SAMD4A: variants seen among roughly 807,000 people sequenced by gnomAD.
SAMD4A encodes sterile alpha motif domain containing 4A.
In SAMD4A, 33 loss-of-function variants were observed where a neutral mutation model predicts 81.3. That is an observed-to-expected ratio of 0.41 (90% CI 0.31 to 0.54). The LOEUF is 0.54. Ranked by LOEUF, SAMD4A falls within the 20% of genes least tolerant of loss-of-function variation. SAMD4A has a pLI of 0.37. For missense variants in SAMD4A, 854 were observed against 951.1 expected (o/e 0.90, Z 1.34); for synonymous variants, 389 against 382.1 (o/e 1.02, Z -0.21).
At chr14:54,719,156 G>T (rs1023426299) in intron 3 of SAMD4A, among the ~76,000 whole-genome samples, 4 of 152,048 alleles carry the variant, frequency 2.6e-5, no homozygotes, top group African/African-American at 9.7e-5. Context: ...TGGGGCTTTG[G>T]CTGGGCTATC....
intron 12 of SAMD4A, among the ~76,000 whole-genome samples, chr14:54,785,585 C>T (rs1467177370): frequency 6.6e-6 from 1 of 152,198 alleles, no homozygotes; most frequent in Non-Finnish European, 1.5e-5. Flanking sequence ...TCTAGACACA[C>T]TTACCCACCC....
chr14:54,752,257 C>G (rs1365680946), intron 6 of SAMD4A, among the ~76,000 whole-genome samples: 1 of 152,220 alleles, frequency 6.6e-6, no homozygotes, highest in Non-Finnish European at 1.5e-5. Flanking sequence ...GTAACAATGT[C>G]ATTTTTAGGA....
chr14:54,776,201 A>C (rs2038842856), intron 10 of SAMD4A, among the ~76,000 whole-genome samples: 1 of 152,114 alleles, frequency 6.6e-6, no homozygotes, highest in African/African-American at 2.4e-5. Context: ...GGCTTACAGC[A>C]AGGCCACCAC....
At chr14:54,762,738 G>A (rs2038433909) in intron 7 of SAMD4A, among the ~76,000 whole-genome samples, 2 of 152,142 alleles carry the variant, frequency 1.3e-5, no homozygotes, top group Admixed American at 6.5e-5. Context: ...GGTGGAAAGT[G>A]GAAAACCACC....
chr14:54,664,410 A>G (rs577053735), intron 2 of SAMD4A, among the ~76,000 whole-genome samples: 3 of 152,330 alleles, frequency 2.0e-5, no homozygotes, highest in African/African-American at 7.2e-5. Flanking sequence ...TCTAATGAGC[A>G]TATAAAGATG....
intron 3 of SAMD4A, among the ~76,000 whole-genome samples, chr14:54,724,007 T>TGGAAGGAA (rs753453738): frequency 0.075 from 9,303 of 124,108 alleles, 571 homozygotes; most frequent in African/African-American, 0.16. Context: ...GATGGATGGA[T>TGGAAGGAA]GGAAGGAAGG....
intron 2 of SAMD4A, among the ~76,000 whole-genome samples, chr14:54,697,822 G>A (rs2036613550): frequency 1.3e-5 from 2 of 152,152 alleles, no homozygotes; most frequent in Non-Finnish European, 2.9e-5. Context: ...ATCTGGGCTA[G>A]GAGATCTGCT....
intron 2 of SAMD4A, among the ~76,000 whole-genome samples, chr14:54,595,657 G>T (rs2033892887): frequency 6.6e-6 from 1 of 152,070 alleles, no homozygotes; most frequent in South Asian, 2.1e-4. Context: ...ATTAAGCAGG[G>T]TACTAAAAGT....
intron 11 of SAMD4A, chr14:54,784,176 C>A: frequency 1.6e-6 from 1 of 611,150 alleles, no homozygotes; most frequent in Non-Finnish European, 3.0e-6. Flanking sequence ...AAGGAGAGAG[C>A]TGTATGAGGG....
Position 54,764,481 on chromosome 14 carries a change from C to T in SAMD4A, c.1537C>T (p.Pro513Ser), listed in dbSNP as rs757002717. 1 of 1,612,044 alleles carries T rather than the reference C, an allele frequency of 6.2e-7. No individual in the cohort carries two copies. The highest frequency in any genetic ancestry group is 2.2e-5 in the East Asian group (1 of 44,874). ...KVCTQLLVSR[P>S]DEENISSYLQ... Reference sequence around the variant, plus strand: ...GTGCACACAGCTCTTGGTCTCCAGACCTGATGAGGAAAATATAAGTTCCTA... The same window carrying T: ...GTGCACACAGCTCTTGGTCTCCAGATCTGATGAGGAAAATATAAGTTCCTA... The change falls in exon 8 of 13, where the codon CCT (proline) becomes TCT (serine). Residue 513 changes from proline (P) to serine (S), a missense_variant. Transcript: ENST00000554335.
In SAMD4A at chr14:54,597,840, A is replaced by C. The variant is rs1007073555; in HGVS notation, c.196+29728A>C. 7.2e-5 allele frequency among the ~76,000 whole-genome samples: 11 copies of C among 151,924 alleles called. 1 individual carries two copies. Among genetic ancestry groups the C allele is most frequent in the Non-Finnish European group, 1.3e-4 (9 of 67,978 alleles). On this transcript the variant is annotated intron_variant, in intron 2 of 12. Coordinates refer to ENST00000554335, the MANE Select transcript of SAMD4A (RefSeq NM_015589.6). Reference sequence around the variant, plus strand: ...TGGGCTCAAGCAAACTGCCCGCCTCAGTCTTCCAAAATGCTGGGATTACAG... The same window carrying C: ...TGGGCTCAAGCAAACTGCCCGCCTCCGTCTTCCAAAATGCTGGGATTACAG...
chr14:54,611,160 C>A (rs1462271536), intron 2 of SAMD4A, among the ~76,000 whole-genome samples: 3 of 151,874 alleles, frequency 2.0e-5, no homozygotes, highest in Admixed American at 6.6e-5. Flanking sequence ...GAAAAAAAAA[C>A]CTAAAAAATT....
At chr14:54,750,787 A>C (rs932253037) in intron 5 of SAMD4A, among the ~76,000 whole-genome samples, 1 of 152,222 alleles carries the variant, frequency 6.6e-6, no homozygotes, top group African/African-American at 2.4e-5. Context: ...CTGAAATTAT[A>C]AAGCCTGGAG....
At chr14:54,725,888 C>A (rs151216389) in intron 3 of SAMD4A, among the ~76,000 whole-genome samples, 1 of 152,108 alleles carries the variant, frequency 6.6e-6, no homozygotes. Flanking sequence ...TGATGCCTAC[C>A]CCAACGTCAA....
chr14:54,751,894 G>A (rs1042330997), intron 6 of SAMD4A, among the ~76,000 whole-genome samples: 7 of 152,158 alleles, frequency 4.6e-5, no homozygotes, highest in Admixed American at 1.3e-4. Context: ...TGAAATCTTG[G>A]CAAAACAGGG....
chr14:54,763,098 G>C (rs2139873612), intron 7 of SAMD4A, among the ~76,000 whole-genome samples: 2 of 151,832 alleles, frequency 1.3e-5, no homozygotes. Context: ...CTCGTGATCT[G>C]CCCGCCTCAG....
chr14:54,769,092 A>G (rs1435651736), intron 8 of SAMD4A, among the ~76,000 whole-genome samples: 2 of 152,240 alleles, frequency 1.3e-5, no homozygotes, highest in Non-Finnish European at 2.9e-5. Context: ...GATTTCCCAC[A>G]GCACGTGTTC....
chr14:54,717,409 C>G (rs1160788863), intron 3 of SAMD4A, among the ~76,000 whole-genome samples: 1 of 150,688 alleles, frequency 6.6e-6, no homozygotes, highest in African/African-American at 2.4e-5. Flanking sequence ...CCACTGCACT[C>G]CAGCCTGGAC....
chr14:54,667,430 G>T (rs752163345), intron 2 of SAMD4A, among the ~76,000 whole-genome samples: 22 of 152,200 alleles, frequency 1.4e-4, no homozygotes, highest in Admixed American at 5.2e-4. Flanking sequence ...GTAGGTCAAA[G>T]TTCCAGGTAC....
Sources: gnomAD v4.1 joint callset for allele counts (sites outside exome capture counted in the v4.1 genomes callset) on GRCh38, gnomAD v4.1.1 for gene constraint, MANE v1.5 for transcripts, NCBI Gene and HGNC (gene_info 2026-07-23, HGNC 2026-07-21) for gene names.